Variants in SAMD9 observed in about 807,000 individuals in gnomAD.
The protein encoded by SAMD9 is sterile alpha motif domain containing 9.
SAMD9 carries 3 observed loss-of-function variants against 1.5 expected under a neutral mutation model. The ratio of observed to expected loss-of-function variants is 2.05; its 90% CI spans 0.93 to 5.29. The LOEUF is 5.29. Among genes scored for constraint, SAMD9 ranks in the 30% most tolerant of loss-of-function variants. The pLI is 0.02. For synonymous variants in SAMD9, 635 were observed against 631.9 expected (o/e 1.00, Z -0.07); for missense variants, 1,597 against 1,820.8 (o/e 0.88, Z 2.24).
chr7:93,104,270 T>C lies in SAMD9; in HGVS notation c.1828A>G (p.Ser610Gly), dbSNP rs367869345. Residue 610 changes from serine (S) to glycine (G), a missense_variant, in exon 3 of 3, where the codon AGC (serine) becomes GGC (glycine). This residue lies in a region of SAMD9 where 358 missense variants were observed against 460.4 expected (regional missense o/e 0.78). Transcript: ENST00000379958. ...ATAGTGCCATTGATCTCTTCAAGGC[T>C]TAAAGCAGAAATACATTGGCTTGAA... ...EISSQCISAL[S>G]LEEINGTILK... 4.4e-5 allele frequency: 71 copies of C among 1,613,278 alleles called. No individual in the cohort carries two copies. The highest frequency in any genetic ancestry group is 5.3e-5 in the Non-Finnish European group (62 of 1,179,606).
intron 2 of SAMD9, among the ~76,000 whole-genome samples, chr7:93,109,766 A>G (rs1016244220): frequency 8.5e-5 from 13 of 152,090 alleles, no homozygotes; most frequent in African/African-American, 3.1e-4. Context: ...AAAAAGAAGT[A>G]AAAAGAAACA....
chr7:93,103,285 C>T lies in SAMD9; in HGVS notation c.2813G>A (p.Cys938Tyr). 1 of 1,613,644 alleles carries T rather than the reference C, an allele frequency of 6.2e-7. No individual in the cohort carries two copies. The highest frequency in any genetic ancestry group is 8.5e-7 in the Non-Finnish European group (1 of 1,179,740). Residue 938 changes from cysteine to tyrosine, a missense_variant, in exon 3 of 3, where the codon TGT (cysteine) becomes TAT (tyrosine). Cys to Tyr is a radical substitution (Grantham distance 194). Coordinates refer to ENST00000379958, the MANE Select transcript of SAMD9 (RefSeq NM_017654.4). ...VPDTTISLSQCEKFLGIGNKK... is the reference protein window; with the variant it reads ...VPDTTISLSQYEKFLGIGNKK... ...GTTTCCAATTCCTAAGAATTTTTCA[C>T]ACTGTGATAGTGAAATGGTGGTATC...
Position 93,101,827 on chromosome 7 carries a change from A to G in SAMD9, c.4271T>C (p.Leu1424Pro). Reference sequence around the variant, plus strand: ...ATACGGTTCTGAAAACTGATAAGTCAGTCCTATTGGTTGCAAGACTTCTCG... The same window carrying G: ...ATACGGTTCTGAAAACTGATAAGTCGGTCCTATTGGTTGCAAGACTTCTCG... ...QLREVLQPIG[L>P]TYQFSEPYFL... Residue 1424 changes from leucine to proline, a missense_variant, in exon 3 of 3, where the codon CTG (leucine) becomes CCG (proline). Transcript: ENST00000379958. 1 of 1,613,898 alleles carries G rather than the reference A, an allele frequency of 6.2e-7. No homozygotes were observed. Among genetic ancestry groups the G allele is most frequent in the Non-Finnish European group, 8.5e-7 (1 of 1,179,800 alleles).
At chr7:93,112,675 C>T (rs1434790905) in intron 2 of SAMD9, among the ~76,000 whole-genome samples, 1 of 152,032 alleles carries the variant, frequency 6.6e-6, no homozygotes, top group Non-Finnish European at 1.5e-5. Flanking sequence ...AAACAGAGAG[C>T]CAAATGATGA....
At chr7:93,116,523 A>T (rs1019183549) in intron 1 of SAMD9, among the ~76,000 whole-genome samples, 38 of 152,166 alleles carry the variant, frequency 2.5e-4, no homozygotes, top group African/African-American at 9.2e-4. Flanking sequence ...ACATTATTTT[A>T]AAAAAATTGT....
Position 93,105,154 on chromosome 7 carries a change from T to C in SAMD9, c.944A>G (p.Glu315Gly). 1 of 1,613,614 alleles carries C rather than the reference T, an allele frequency of 6.2e-7. No homozygotes were observed. Among genetic ancestry groups the C allele is most frequent in the South Asian group, 1.1e-5 (1 of 91,068 alleles). The change falls in exon 3 of 3, where the codon GAA (glutamate) becomes GGA (glycine). Residue 315 changes from glutamate (E) to glycine (G), a missense_variant. Around this residue, in one of 6 missense-constraint regions of SAMD9, gnomAD observed 498 missense variants for 457.4 expected, o/e 1.09. Transcript: ENST00000379958. ...AATCTGGAAATAATCATATTGGCAT[T>C]CAGAGAACTGTGGAATAATGTCCAC... ...IEVDIIPQFS[E>G]CQYDYFQIKM...
rs779789811 is a variant in SAMD9 at position 93,102,651 on chromosome 7, T to C, written c.3447A>G (p.Leu1149=). The C allele has an allele frequency of 5.6e-6, 9 of 1,613,900 alleles. No homozygotes were observed. Among genetic ancestry groups the C allele is most frequent in the Non-Finnish European group, 7.6e-6 (9 of 1,179,814 alleles). The change falls in exon 3 of 3, where the codon CTA becomes CTG. Residue 1149 remains leucine (L), a synonymous_variant. Coordinates refer to ENST00000379958, the MANE Select transcript of SAMD9 (RefSeq NM_017654.4). ...GTTCTGCTAAATCCAAAAGAGCAAT[T>C]AGATCATCAACTGAAATGTTCCCGT... ...GGNGNISVDD[L]IALLDLAEHA... is the part of the protein sequence containing the mutation.
chr7:93,114,627 T>C (rs945216650), intron 2 of SAMD9, among the ~76,000 whole-genome samples, 168 bp downstream of exon 2: 10 of 152,112 alleles, frequency 6.6e-5, no homozygotes, highest in Non-Finnish European at 1.5e-4. Flanking sequence ...AAGAGCTGTT[T>C]AGATAAAAAG....
intron 2 of SAMD9, among the ~76,000 whole-genome samples, chr7:93,112,637 C>A (rs10234975): frequency 0.15 from 22,715 of 152,150 alleles, 1,972 homozygotes; most frequent in African/African-American, 0.24. Flanking sequence ...GCAAAAATCA[C>A]AAGCATTCCT....
intron 2 of SAMD9, among the ~76,000 whole-genome samples, chr7:93,108,968 G>A (rs890799566): frequency 1.3e-5 from 2 of 152,166 alleles, no homozygotes; most frequent in African/African-American, 2.4e-5. Context: ...TCCCAGCATG[G>A]AGTTTGAGAT....
chr7:93,103,411 T>G lies in SAMD9; in HGVS notation c.2687A>C (p.Tyr896Ser). 6.2e-7 allele frequency: 1 copy of G among 1,613,404 alleles called. No homozygotes were observed. The change falls in exon 3 of 3, where the codon TAC becomes TCC. Residue 896 changes from tyrosine (Y) to serine (S), a missense_variant. Around this residue, in one of 6 missense-constraint regions of SAMD9, gnomAD observed 682 missense variants for 810.0 expected, o/e 0.84. Transcript: ENST00000379958. ...GATATTCCGGACCACATTTTCTATGTATTCTTTATTAAAATTGGTTTTCAT... is the reference window on the plus strand; with the variant it reads ...GATATTCCGGACCACATTTTCTATGGATTCTTTATTAAAATTGGTTTTCAT... ...MIMKTNFNKE[Y>S]IENVVRNILK...
rs1791526993 is a variant in SAMD9 at position 93,101,491 on chromosome 7, T to C, written c.4607A>G (p.Asn1536Ser). Reference sequence around the variant, plus strand: ...TCCATATTCTATATATAAACAATTGTTTTCAGCTCGACCTTGTAAACGAAG... The same window carrying C: ...TCCATATTCTATATATAAACAATTGCTTTCAGCTCGACCTTGTAAACGAAG... Reference protein sequence around the residue: ...LLLRLQGRAENNCLYIEYGIN... With the variant: ...LLLRLQGRAESNCLYIEYGIN... The change falls in exon 3 of 3, where the codon AAC becomes AGC. Residue 1536 changes from asparagine (N) to serine (S), a missense_variant. Asn to Ser is a conservative substitution (Grantham distance 46). Around this residue, in one of 6 missense-constraint regions of SAMD9, gnomAD observed 682 missense variants for 810.0 expected, o/e 0.84. Transcript: ENST00000379958. 6.2e-7 allele frequency: 1 copy of C among 1,613,722 alleles called. No individual in the cohort carries two copies. Among genetic ancestry groups the C allele is most frequent in the Admixed American group, 1.7e-5 (1 of 59,960 alleles).
chr7:93,105,454 A>T lies in SAMD9; in HGVS notation c.644T>A (p.Phe215Tyr). The change falls in exon 3 of 3, where the codon TTT becomes TAT. Residue 215 changes from phenylalanine (F) to tyrosine (Y), a missense_variant. Physicochemically the swap from Phe to Tyr is conservative, Grantham distance 22 (BLOSUM62 3). Coordinates refer to ENST00000379958, the MANE Select transcript of SAMD9 (RefSeq NM_017654.4). ...AGCAAATCGGAAAACCTCATTGCTA[A>T]ATTTCATCTTGACATCCTCTTCTGT... Reference protein sequence around the residue: ...TATEEDVKMKFSNEVFRFASA... With the variant: ...TATEEDVKMKYSNEVFRFASA... 3 of 1,614,032 alleles carry T rather than the reference A, an allele frequency of 1.9e-6. No homozygotes were observed. The highest frequency in any genetic ancestry group is 2.5e-6 in the Non-Finnish European group (3 of 1,179,964).
intron 1 of SAMD9, among the ~76,000 whole-genome samples, chr7:93,116,413 A>G (rs529044289): frequency 1.0e-3 from 156 of 152,362 alleles, no homozygotes; most frequent in African/African-American, 3.6e-3. Flanking sequence ...TTTCTCTACT[A>G]GAGACACTAT....
chr7:93,099,577 A>G lies in SAMD9; in HGVS notation c.*1751T>C, dbSNP rs1434130100. ...ACAATAAAGAGTGAGCTTATAAGTT[A>G]TGGAGTTAAAATTTTATGCAGAAGC... is the stretch of plus-strand genomic sequence containing the variant. On this transcript the variant is annotated 3_prime_UTR_variant, in exon 3 of 3. Coordinates refer to ENST00000379958, the MANE Select transcript of SAMD9 (RefSeq NM_017654.4). 6.6e-6 allele frequency: 1 copy of G among 152,284 alleles called. No individual in the cohort carries two copies. Among genetic ancestry groups the G allele is most frequent in the Non-Finnish European group, 1.5e-5 (1 of 68,050 alleles). 9.4% of individuals were successfully genotyped at this position (152,284 alleles called of 1,614,324 possible).
Position 93,102,837 on chromosome 7 carries a change from C to G in SAMD9, c.3261G>C (p.Ala1087=), listed in dbSNP as rs372006940. 1.1e-5 allele frequency: 17 copies of G among 1,613,768 alleles called. No homozygotes were observed. Among genetic ancestry groups the G allele is most frequent in the Middle Eastern group, 3.3e-4 (2 of 6,062 alleles). The change falls in exon 3 of 3, where the codon GCG becomes GCC. Residue 1087 remains alanine, a synonymous_variant. Coordinates refer to ENST00000379958, the MANE Select transcript of SAMD9 (RefSeq NM_017654.4). ...RFNPNAFICQ[A]LARHFYIKKK... ...TTTTAATGTAGAAATGTCTTGCCAA[C>G]GCTTGGCAAATGAATGCATTTGGGT...
chr7:93,104,319 T>C lies in SAMD9; in HGVS notation c.1779A>G (p.Arg593=). The C allele has an allele frequency of 6.2e-7, 1 of 1,613,718 alleles. No homozygotes were observed. The highest frequency in any genetic ancestry group is 2.2e-5 in the East Asian group (1 of 44,876). Residue 593 remains arginine, a synonymous_variant, in exon 3 of 3, where the codon AGA becomes AGG. Coordinates refer to ENST00000379958, the MANE Select transcript of SAMD9 (RefSeq NM_017654.4). The part of the protein sequence containing the change: ...FQGWKDLLEA[R]LIKHQDEISS... ...AAATTTCATCTTGGTGTTTTATTAA[T>C]CTTGCTTCAAGTAGATCTTTCCATC...
intron 2 of SAMD9, among the ~76,000 whole-genome samples, chr7:93,107,104 G>A (rs558660904): frequency 1.2e-3 from 180 of 151,502 alleles, no homozygotes; most frequent in African/African-American, 4.1e-3. Context: ...GCAATGGCGC[G>A]ATCTCGGCTC....
intron 2 of SAMD9, among the ~76,000 whole-genome samples, chr7:93,108,889 C>T (rs1015836843): frequency 1.3e-5 from 2 of 152,188 alleles, no homozygotes; most frequent in South Asian, 2.1e-4. Flanking sequence ...CATAGCTGAA[C>T]AACAGGCAGA....
Sources: gnomAD v4.1 joint callset for allele counts (sites outside exome capture counted in the v4.1 genomes callset) on GRCh38, gnomAD v4.1.1 for gene constraint, gnomAD v4.1.1 regional missense constraint, MANE v1.5 for transcripts, NCBI Gene and HGNC (gene_info 2026-07-23, HGNC 2026-07-21) for gene names.